TRIP12: variants seen among roughly 807,000 people sequenced by gnomAD.
TRIP12 encodes the protein thyroid hormone receptor interactor 12.
A neutral mutation model predicts 244.2 loss-of-function variants in TRIP12; 25 were observed. The ratio of observed to expected loss-of-function variants is 0.10; its 90% CI spans 0.07 to 0.14. TRIP12 has a LOEUF of 0.14. Among genes scored for constraint, TRIP12 ranks in the 10% least tolerant of loss-of-function variants. The pLI is 1.00. For synonymous variants in TRIP12, 905 were observed against 873.1 expected (o/e 1.04, Z -0.64); for missense variants, 1,677 against 2,486.4 (o/e 0.67, Z 6.92).
In TRIP12 at chr2:229,873,723, A is replaced by T. The variant is rs1456361221; in HGVS notation, c.98+6259T>A. ...TATATAACTAATGGGGGTTTAAAAA[A>T]ATCTCTGCTCTAAAAATGTAAAGAA... is the stretch of plus-strand genomic sequence containing the variant. On this transcript the variant is annotated intron_variant, in intron 2 of 41. Coordinates refer to ENST00000675903, the MANE Select transcript of TRIP12 (RefSeq NM_001348323.3). Among the ~76,000 whole-genome samples the T allele has an allele frequency of 3.9e-5, 6 of 152,316 alleles. No homozygotes were observed. The East Asian group carries it at 1.2e-3, about 29-fold the overall frequency.
chr2:229,823,631 G>A (rs773225794), intron 8 of TRIP12, among the ~76,000 whole-genome samples: 1 of 151,208 alleles, frequency 6.6e-6, no homozygotes, highest in Non-Finnish European at 1.5e-5. Flanking sequence ...AGCTGAGATC[G>A]CGCCACTGCA....
intron 6 of TRIP12, among the ~76,000 whole-genome samples, chr2:229,832,246 T>G (rs1166707256): frequency 6.6e-6 from 1 of 152,248 alleles, no homozygotes; most frequent in Non-Finnish European, 1.5e-5. Context: ...ACCACATGGT[T>G]TTGTAAATAA....
intron 30 of TRIP12, among the ~76,000 whole-genome samples, chr2:229,790,440 T>A (rs1199670355): frequency 6.7e-6 from 1 of 150,220 alleles, no homozygotes; most frequent in East Asian, 2.0e-4. Context: ...CGAACAAACT[T>A]AGTTTTGTGA....
Position 229,778,479 on chromosome 2 carries a change from C to T in TRIP12, c.5318G>A (p.Arg1773His), listed in dbSNP as rs907098852. ...CTTGGCCATTAATTTTCCTAAGAAG[C>T]GAAACTTCATCTTAACCTTTGCGAT... ...AHIAKVKMKF[R>H]FLGKLMAKAI... Residue 1773 changes from arginine to histidine, a missense_variant, in exon 36 of 42, where the codon CGC becomes CAC. Transcript: ENST00000675903. The surrounding 1 kb of genome is among the most constrained non-coding windows in gnomAD (Gnocchi z 4.1). 18 of 1,613,872 alleles carry T rather than the reference C, an allele frequency of 1.1e-5. No individual in the cohort carries two copies. Among genetic ancestry groups the T allele is most frequent in the Non-Finnish European group, 1.3e-5 (15 of 1,179,918 alleles).
intron 8 of TRIP12, among the ~76,000 whole-genome samples, chr2:229,824,625 G>C (rs73099299): frequency 0.14 from 21,643 of 152,204 alleles, 1,617 homozygotes; most frequent in Admixed American, 0.2. Flanking sequence ...AGTTGAACAT[G>C]CAACATGCAT....
rs772262153 is a variant in TRIP12, at chr2:229,859,121, G to A, written c.678C>T (p.Thr226=). Residue 226 remains threonine (T), a synonymous_variant, in exon 4 of 42, where the codon ACC becomes ACT. Coordinates refer to ENST00000675903, the MANE Select transcript of TRIP12 (RefSeq NM_001348323.3). ...KPTKLASKSA[T]SAKAGCSTIT... Reference sequence around the variant, plus strand: ...TGGTGCTACACCCAGCTTTGGCTGAGGTGGCTGATTTTGAAGCCAGCTTGG... The same window carrying A: ...TGGTGCTACACCCAGCTTTGGCTGAAGTGGCTGATTTTGAAGCCAGCTTGG... 6.2e-7 allele frequency: 1 copy of A among 1,614,218 alleles called. No individual in the cohort carries two copies. Among genetic ancestry groups the A allele is most frequent in the Non-Finnish European group, 8.5e-7 (1 of 1,180,030 alleles).
At chr2:229,823,820 C>A (rs1226239025) in intron 8 of TRIP12, among the ~76,000 whole-genome samples, 1 of 152,010 alleles carries the variant, frequency 6.6e-6, no homozygotes, top group Non-Finnish European at 1.5e-5. Flanking sequence ...GATGGCATCT[C>A]ATTAATTCAT....
intron 2 of TRIP12, among the ~76,000 whole-genome samples, chr2:229,861,515 C>T (rs1023658078): frequency 1.4e-4 from 22 of 151,988 alleles, no homozygotes; most frequent in African/African-American, 5.3e-4. Flanking sequence ...TCATTAATAC[C>T]AAATTTACTT....
At chr2:229,787,907 A>C (rs2040488660) in intron 32 of TRIP12, among the ~76,000 whole-genome samples, 1 of 152,098 alleles carries the variant, frequency 6.6e-6, no homozygotes. Flanking sequence ...GGCTCTTGCA[A>C]TTCTCCTGCC....
At chr2:229,833,926 A>G (rs1021968003) in intron 6 of TRIP12, among the ~76,000 whole-genome samples, 3 of 152,234 alleles carry the variant, frequency 2.0e-5, no homozygotes, top group African/African-American at 7.2e-5. Context: ...GTAGTAGTAT[A>G]GAGATAGCTG....
At chr2:229,808,405 A>G (rs776782620) in intron 15 of TRIP12, 36 bp from the exon 16 acceptor site, 1 of 1,431,852 alleles carries the variant, frequency 7.0e-7, no homozygotes, top group South Asian at 1.1e-5. Context: ...AAAGGCTATT[A>G]AACTAGTTAT....
At chr2:229,777,250 T>G in intron 37 of TRIP12, 65 bp downstream of exon 37, 1 of 1,531,498 alleles carries the variant, frequency 6.5e-7, no homozygotes, top group Non-Finnish European at 8.9e-7. Context: ...TACAAACTAT[T>G]TAACAAAAGC....
chr2:229,917,030 C>T (rs988652979), intron 1 of TRIP12, among the ~76,000 whole-genome samples: 3 of 152,062 alleles, frequency 2.0e-5, no homozygotes, highest in African/African-American at 4.8e-5. Flanking sequence ...TGAAATGATA[C>T]ACAAGTACCA....
chr2:229,787,030 G>A (rs900607508), intron 33 of TRIP12, among the ~76,000 whole-genome samples: 1 of 152,204 alleles, frequency 6.6e-6, no homozygotes, highest in Non-Finnish European at 1.5e-5. Context: ...GATTAAGTTA[G>A]CAATACTGGA....
chr2:229,816,264 T>C lies in TRIP12; in HGVS notation c.1600-956A>G, dbSNP rs115399950. Among the ~76,000 whole-genome samples the C allele has an allele frequency of 6.3e-3, 953 of 152,122 alleles. 10 individuals are homozygous for C. The highest frequency in any genetic ancestry group is 0.021 in the African/African-American group (873 of 41,480). On this transcript the variant is annotated intron_variant, in intron 9 of 41. Transcript: ENST00000675903. Reference sequence around the variant, plus strand: ...TACATACCAGAAGTCCTAAGGACTATTTTTGTTTAAAAGCACACACACAAA... The same window carrying C: ...TACATACCAGAAGTCCTAAGGACTACTTTTGTTTAAAAGCACACACACAAA...
intron 24 of TRIP12, 41 bp downstream of exon 24, chr2:229,797,649 A>G (rs2043152941): frequency 4.4e-6 from 7 of 1,603,550 alleles, no homozygotes; most frequent in Non-Finnish European, 6.0e-6. Flanking sequence ...GATGCTGGGA[A>G]GAGACTGAAA....
intron 15 of TRIP12, among the ~76,000 whole-genome samples, chr2:229,809,788 C>A (rs2046825257): frequency 6.6e-6 from 1 of 152,168 alleles, no homozygotes; most frequent in Admixed American, 6.5e-5. Context: ...GTAGCCACCT[C>A]AACATTATTT....
chr2:229,767,874 C>T (rs983867561), intron 41 of TRIP12, 124 bp from the exon 42 acceptor site: 3 of 962,592 alleles, frequency 3.1e-6, no homozygotes, highest in Non-Finnish European at 4.5e-6. Flanking sequence ...TTGGCAATTG[C>T]ACATTCAATA....
At chr2:229,914,668 T>A (rs1165518380) in intron 1 of TRIP12, among the ~76,000 whole-genome samples, 3 of 152,208 alleles carry the variant, frequency 2.0e-5, no homozygotes, top group Non-Finnish European at 2.9e-5. Context: ...ATCTATTTAT[T>A]CAGAGCACTG....
Sources: gnomAD v4.1 joint callset for allele counts (sites outside exome capture counted in the v4.1 genomes callset) on GRCh38, gnomAD v4.1.1 for gene constraint, Gnocchi (gnomAD v3.1) non-coding constraint, MANE v1.5 for transcripts, NCBI Gene and HGNC (gene_info 2026-07-23, HGNC 2026-07-21) for gene names.